SPIN3: variants seen among roughly 807,000 people sequenced by gnomAD.
SPIN3 encodes spindlin-3.
For missense variants in SPIN3, 176 were observed against 196.4 expected (o/e 0.90, Z 0.62); for synonymous variants, 74 against 74.3 (o/e 1.00, Z 0.02).
In SPIN3 at chrX:56,992,429, T is replaced by C; in HGVS notation, c.*1742A>G. On this transcript the variant is annotated 3_prime_UTR_variant, in exon 2 of 2. Coordinates refer to ENST00000374919, the MANE Select transcript of SPIN3 (RefSeq NM_001010862.3). Reference sequence around the variant, plus strand: ...AGGGCAATACAGACCCACATTGCTGTTGTCAGTCAAACATCATAGTAGAGA... The same window carrying C: ...AGGGCAATACAGACCCACATTGCTGCTGTCAGTCAAACATCATAGTAGAGA... 3.4e-6 allele frequency: 1 copy of C among 297,434 alleles called. No homozygotes were observed. Among genetic ancestry groups the C allele is most frequent in the Non-Finnish European group, 5.9e-6 (1 of 170,293 alleles). The allele number at this position is 297,434 out of a possible 1,213,427, so 24.5% of individuals were successfully genotyped here.
downstream of SPIN3, among the ~76,000 whole-genome samples, chrX:56,989,179 A>T (rs901079532): frequency 9.0e-6 from 1 of 111,548 alleles, no homozygotes; most frequent in Non-Finnish European, 1.9e-5. Context: ...GTAGTTTATA[A>T]TTTAAGTATA....
At chrX:56,988,802 G>A (rs762406016), downstream of SPIN3, among the ~76,000 whole-genome samples, 1 of 111,324 alleles carries the variant, frequency 9.0e-6, no homozygotes, top group East Asian at 2.8e-4. Context: ...GGTGATTCTG[G>A]TGTGTACTAA....
At chrX:56,976,908 C>A (rs988536761) in exon 6 of SPIN3, 1 of 111,568 alleles carries the variant, frequency 9.0e-6, no homozygotes, top group Admixed American at 9.5e-5. Flanking sequence ...CCAATAATTG[C>A]AGAAAGAAAA....
In SPIN3 at chrX:56,994,079, A is replaced by C. The variant is rs1248418870; in HGVS notation, c.*92T>G. On this transcript the variant is annotated 3_prime_UTR_variant, in exon 2 of 2. Transcript: ENST00000374919. Reference sequence around the variant, plus strand: ...TGCCAAGCAAAACGTGCAAAAAGGGAGAAGATGGTTCTTACAAACTGGAAA... The same window carrying C: ...TGCCAAGCAAAACGTGCAAAAAGGGCGAAGATGGTTCTTACAAACTGGAAA... 2 of 956,697 alleles carry C rather than the reference A, an allele frequency of 2.1e-6. No homozygotes were observed. The highest frequency in any genetic ancestry group is 3.9e-5 in the African/African-American group (2 of 50,704). The allele number at this position is 956,697 out of a possible 1,213,427, so 78.8% of individuals were successfully genotyped here. A position where few individuals can be genotyped will look rare whatever the true frequency, so the allele number is the denominator to read the frequency against.
Position 56,995,506 on chromosome X carries a change from T to G in SPIN3, c.-293A>C, listed in dbSNP as rs1217765631. 8.8e-6 allele frequency: 1 copy of G among 113,165 alleles called. No homozygotes were observed. The highest frequency in any genetic ancestry group is 2.8e-4 in the East Asian group (1 of 3,543). 9.3% of individuals were successfully genotyped at this position (113,165 alleles called of 1,213,427 possible). On this transcript the variant is annotated 5_prime_UTR_variant, in exon 1 of 2. An upstream start codon of the reference 5' UTR is lost. Transcript: ENST00000374919. ...CGGTGGCCGCAGCCCCTCTCCCACA[T>G]CGGACTCCCACTAGTCGCTGCTGCG...
downstream of SPIN3, chrX:56,976,424 T>C (rs1924007384): frequency 1.8e-5 from 2 of 111,959 alleles, no homozygotes; most frequent in Admixed American, 1.9e-4. Flanking sequence ...ATTACATCTC[T>C]TATACAAGTG....
chrX:56,986,859 T>C (rs1924231451), downstream of SPIN3, among the ~76,000 whole-genome samples: 2 of 112,290 alleles, frequency 1.8e-5, no homozygotes, highest in South Asian at 3.7e-4. Context: ...AGGCCGGGCA[T>C]GGTGGGACAT....
chrX:56,983,529 T>G (rs1456086590), intron 3 of SPIN3, among the ~76,000 whole-genome samples: 1 of 112,650 alleles, frequency 8.9e-6, no homozygotes, highest in Non-Finnish European at 1.9e-5. Flanking sequence ...TGGAAAGAAG[T>G]GGGCCAAGCA....
chrX:56,975,412 T>C (rs975018394), downstream of SPIN3: 4 of 111,843 alleles, frequency 3.6e-5, no homozygotes, highest in African/African-American at 1.3e-4. Context: ...TAGTAAGAGG[T>C]TGTAGACACC....
chrX:56,977,917 A>G (rs1249240600), intron 5 of SPIN3: 1 of 112,249 alleles, frequency 8.9e-6, no homozygotes, highest in Non-Finnish European at 1.9e-5. Context: ...TGGCCCCTCA[A>G]TCTTGAACTT....
intron 2 of SPIN3, among the ~76,000 whole-genome samples, chrX:56,985,720 A>G (rs1034509685): frequency 3.0e-4 from 34 of 112,037 alleles, no homozygotes; most frequent in African/African-American, 1.0e-3. Flanking sequence ...AGTCTTTACA[A>G]TGCCTTATAT....
downstream of SPIN3, among the ~76,000 whole-genome samples, chrX:56,989,104 T>C (rs1365893713): frequency 2.7e-5 from 3 of 111,713 alleles, no homozygotes; most frequent in African/African-American, 9.8e-5. Flanking sequence ...CTTTTTCAAA[T>C]GGTAGTTTTG....
At position 56,992,120 on chromosome X, in the gene SPIN3, C is replaced by T; in HGVS notation, c.*2051G>A. On this transcript the variant is annotated 3_prime_UTR_variant, in exon 2 of 2. Transcript: ENST00000374919. ...CAATTTCTCGTTTTTCTCATTTCAG[C>T]CATATAGATCTCACAAAGATGTCTG... The T allele has an allele frequency of 6.7e-6, 2 of 297,468 alleles. No homozygotes were observed. The highest frequency in any genetic ancestry group is 2.0e-4 in the South Asian group (1 of 5,057). 24.5% of individuals were successfully genotyped at this position (297,468 alleles called of 1,213,427 possible).
intron 3 of SPIN3, chrX:56,981,976 G>A (rs1057192436): frequency 1.8e-5 from 2 of 111,632 alleles, no homozygotes; most frequent in South Asian, 3.8e-4. Context: ...GAGCAAGAAG[G>A]TTCTCCAGTA....
chrX:56,985,005 G>A (rs1268856808), intron 2 of SPIN3, among the ~76,000 whole-genome samples: 1 of 110,964 alleles, frequency 9.0e-6, no homozygotes, highest in African/African-American at 3.3e-5. Context: ...TTGTTTTTTG[G>A]AGCCATCCAT....
At chrX:56,985,373 G>A (rs1010513571) in intron 2 of SPIN3, among the ~76,000 whole-genome samples, 3 of 112,310 alleles carry the variant, frequency 2.7e-5, no homozygotes, top group African/African-American at 6.5e-5. Flanking sequence ...TGCCTCAGCT[G>A]CTGAAAGCAA....
intron 3 of SPIN3, among the ~76,000 whole-genome samples, chrX:56,983,571 A>G (rs886258849): frequency 5.3e-5 from 6 of 112,916 alleles, no homozygotes; most frequent in African/African-American, 1.9e-4. Flanking sequence ...TGAATCTGAT[A>G]GTGTGTGTGC....
chrX:56,983,214 C>T (rs926133261), intron 3 of SPIN3, among the ~76,000 whole-genome samples: 1 of 111,920 alleles, frequency 8.9e-6, no homozygotes, highest in African/African-American at 3.2e-5. Flanking sequence ...CAAAACCTGC[C>T]TTTCCTTGTG....
At chrX:56,987,269 C>G (rs1020431399), downstream of SPIN3, among the ~76,000 whole-genome samples, 9 of 111,690 alleles carry the variant, frequency 8.1e-5, no homozygotes, top group African/African-American at 2.9e-4. Flanking sequence ...ATGTTAAACA[C>G]ATTACTGAAT....
Sources: allele counts gnomAD v4.1 joint callset (sites outside exome capture counted in the v4.1 genomes callset), GRCh38; gene constraint gnomAD v4.1.1; transcripts MANE v1.5; gene names NCBI Gene and HGNC (gene_info 2026-07-23, HGNC 2026-07-21).